The following CNBD1 variants were observed in gnomAD, a reference collection of about 807,000 sequenced individuals.
CNBD1 encodes the protein cyclic nucleotide-binding domain-containing protein 1.
Under a neutral mutation model 54.4 loss-of-function variants are expected in CNBD1, and 71 were observed. That is an observed-to-expected ratio of 1.30 (90% CI 1.08 to 1.59). The LOEUF is 1.59. Among genes scored for constraint, CNBD1 ranks in the 40% most tolerant of loss-of-function variants. CNBD1 has a pLI of 0.00. For synonymous variants in CNBD1, 182 were observed against 170.7 expected (o/e 1.07, Z -0.51); for missense variants, 659 against 518.0 (o/e 1.27, Z -2.64).
At chr8:87,302,462 T>G (rs912870466) in intron 8 of CNBD1, among the ~76,000 whole-genome samples, 2 of 151,482 alleles carry the variant, frequency 1.3e-5, no homozygotes, top group Non-Finnish European at 3.0e-5. Flanking sequence ...AAACTCTCAA[T>G]AAATTAGGTA....
intron 2 of CNBD1, among the ~76,000 whole-genome samples, chr8:87,388,425 A>C (rs2130966570): frequency 6.6e-6 from 1 of 152,272 alleles, no homozygotes; most frequent in East Asian, 1.9e-4. Flanking sequence ...GGATATCACC[A>C]CCGATCCCAC....
chr8:87,161,372 G>A lies in CNBD1; in HGVS notation c.432-44621G>A, dbSNP rs556405666. ...CTGGAAGGGAAGCAGCTATGGCACA[G>A]CTAACGCTTGCAGATAGTTCTACCA... On this transcript the variant is annotated intron_variant, in intron 4 of 10. Transcript: ENST00000518476. 3.3e-5 allele frequency among the ~76,000 whole-genome samples: 5 copies of A among 152,248 alleles called. No individual in the cohort carries two copies. In the South Asian group the frequency reaches 1.0e-3, roughly 32 times the overall value.
chr8:87,045,850 G>C (rs1205329668), intron 4 of CNBD1, among the ~76,000 whole-genome samples: 1 of 151,724 alleles, frequency 6.6e-6, no homozygotes, highest in Non-Finnish European at 1.5e-5. Flanking sequence ...GACCATCCTG[G>C]CGAACATCGT....
intron 6 of CNBD1, among the ~76,000 whole-genome samples, chr8:87,255,867 T>C (rs1807997310): frequency 6.7e-6 from 1 of 148,612 alleles, no homozygotes; most frequent in South Asian, 2.1e-4. Context: ...TTGAGCATGG[T>C]GCTTAATAGG....
intron 8 of CNBD1, among the ~76,000 whole-genome samples, chr8:87,344,287 G>A (rs1296252147): frequency 6.6e-6 from 1 of 151,810 alleles, no homozygotes; most frequent in Non-Finnish European, 1.5e-5. Context: ...GAGATTAAGG[G>A]TAAAATAATA....
At chr8:86,910,763 A>G (rs1809089143) in intron 3 of CNBD1, among the ~76,000 whole-genome samples, 1 of 152,194 alleles carries the variant, frequency 6.6e-6, no homozygotes, top group African/African-American at 2.4e-5. Context: ...GAAAACTAGG[A>G]CGTGGACACA....
chr8:87,003,144 G>A (rs556973459), intron 4 of CNBD1, among the ~76,000 whole-genome samples: 1 of 152,212 alleles, frequency 6.6e-6, no homozygotes, highest in Admixed American at 6.5e-5. Flanking sequence ...GCAGAGATCT[G>A]AAAAACAATA....
At chr8:87,353,501 A>G (rs1810348567) in intron 9 of CNBD1, 135 bp from the exon 10 acceptor site, 1 of 585,038 alleles carries the variant, frequency 1.7e-6, no homozygotes, top group Non-Finnish European at 2.9e-6. Context: ...TTTTTCTGTA[A>G]TTTAAATACA....
intron 4 of CNBD1, among the ~76,000 whole-genome samples, chr8:87,001,949 G>C (rs1809002045): frequency 6.6e-6 from 1 of 152,104 alleles, no homozygotes; most frequent in Non-Finnish European, 1.5e-5. Flanking sequence ...GTTCTCAGTA[G>C]TGTTTTCAAA....
chr8:87,326,977 T>C (rs1263435869), intron 8 of CNBD1, among the ~76,000 whole-genome samples: 1 of 138,924 alleles, frequency 7.2e-6, no homozygotes, highest in Non-Finnish European at 1.6e-5. Flanking sequence ...TACAGATGGG[T>C]TTTTGGTGTG....
At chr8:87,240,485 G>A (rs1459966317) in intron 6 of CNBD1, among the ~76,000 whole-genome samples, 1 of 152,192 alleles carries the variant, frequency 6.6e-6, no homozygotes, top group Middle Eastern at 3.4e-3. Context: ...CAGATCCTAG[G>A]TATTAATGAA....
chr8:87,298,004 A>C (rs1234257413), intron 8 of CNBD1, among the ~76,000 whole-genome samples: 1 of 151,648 alleles, frequency 6.6e-6, no homozygotes, highest in Non-Finnish European at 1.5e-5. Flanking sequence ...ATAGACATTA[A>C]CATATTAATA....
At chr8:87,384,094 T>G (rs904020935), downstream of CNBD1, among the ~76,000 whole-genome samples, 1 of 152,116 alleles carries the variant, frequency 6.6e-6, no homozygotes, top group African/African-American at 2.4e-5. Flanking sequence ...TTGTCCTTTA[T>G]AGTGAACATA....
At chr8:87,357,635 A>C (rs980369842) in intron 10 of CNBD1, among the ~76,000 whole-genome samples, 1 of 152,162 alleles carries the variant, frequency 6.6e-6, no homozygotes, top group South Asian at 2.1e-4. Context: ...TTTTGGTCTT[A>C]CAGGCTCATA....
At chr8:87,411,139 A>C (rs920380079) in intron 2 of CNBD1, among the ~76,000 whole-genome samples, 1 of 151,644 alleles carries the variant, frequency 6.6e-6, no homozygotes, top group African/African-American at 2.4e-5. Context: ...GTATGCTTGC[A>C]TTTTTCATAT....
downstream of CNBD1, among the ~76,000 whole-genome samples, chr8:87,386,840 T>C (rs189238880): frequency 2.0e-5 from 3 of 152,264 alleles, no homozygotes; most frequent in Admixed American, 6.5e-5. Flanking sequence ...GGAAAAAATA[T>C]TCAGGGCAGC....
At chr8:87,298,226 A>G (rs77081941) in intron 8 of CNBD1, among the ~76,000 whole-genome samples, 3 of 151,956 alleles carry the variant, frequency 2.0e-5, no homozygotes, top group African/African-American at 7.2e-5. Flanking sequence ...TTGCAAATAG[A>G]CTATGCATGT....
chr8:87,258,426 TC>T (rs60662018), intron 6 of CNBD1, among the ~76,000 whole-genome samples: 42,556 of 150,952 alleles, frequency 0.28, 6,452 homozygotes, highest in African/African-American at 0.4. Flanking sequence ...TTTTTTTATT[TC>T]TTTTTTTTCT....
Position 87,160,382 on chromosome 8 carries a change from T to A in CNBD1, c.432-45611T>A, listed in dbSNP as rs112411318. The stretch of plus-strand genomic sequence containing the variant: ...GGCTGTAGTCTATAATATCATTTTA[T>A]CATAAAACAAAGCCCATCAACACTA... On this transcript the variant is annotated intron_variant, in intron 4 of 10. Transcript: ENST00000518476. Among the ~76,000 whole-genome samples the A allele has an allele frequency of 3.2e-3, 492 of 152,194 alleles. 4 individuals are homozygous for A. The highest frequency in any genetic ancestry group is 0.011 in the African/African-American group (458 of 41,558).
Sources: allele counts gnomAD v4.1 joint callset (sites outside exome capture counted in the v4.1 genomes callset), GRCh38; gene constraint gnomAD v4.1.1; transcripts MANE v1.5; gene names NCBI Gene and HGNC (gene_info 2026-07-23, HGNC 2026-07-21).